PCDH9: variants seen among roughly 807,000 people sequenced by gnomAD.
The protein encoded by PCDH9 is protocadherin-9.
Under a neutral mutation model 70.6 loss-of-function variants are expected in PCDH9, and 24 were observed. That is an observed-to-expected ratio of 0.34 (90% CI 0.25 to 0.48). The LOEUF (loss-of-function observed/expected upper bound fraction) is 0.48, where lower values mean the gene tolerates loss of function less well. Among genes scored for constraint, PCDH9 ranks in the 20% least tolerant of loss-of-function variants. The pLI, the probability that PCDH9 is intolerant of heterozygous loss-of-function variation, is 0.99. For missense variants in PCDH9, 1,281 were observed against 1,503.6 expected, an observed-to-expected ratio of 0.85 and a Z score of 2.45; for synonymous variants, 562 against 558.5, an observed-to-expected ratio of 1.01 and a Z score of -0.09.
intron 3 of PCDH9, chr13:66,880,191 A>C (rs1381538526): frequency 6.6e-6 from 1 of 152,202 alleles, no homozygotes; most frequent in African/African-American, 2.4e-5. Flanking sequence ...ATAATGATAA[A>C]ACACTGCTTG....
At chr13:67,180,860 T>C (rs2088596455) in intron 2 of PCDH9, among the ~76,000 whole-genome samples, 1 of 152,206 alleles carries the variant, frequency 6.6e-6, no homozygotes, top group Non-Finnish European at 1.5e-5. Context: ...ATAAGCAGAT[T>C]ATGATGCTGG....
At chr13:66,472,399 A>G (rs961867289) in intron 4 of PCDH9, among the ~76,000 whole-genome samples, 21 of 151,796 alleles carry the variant, frequency 1.4e-4, no homozygotes, top group Non-Finnish European at 2.8e-4. Flanking sequence ...GCAAAACCTC[A>G]TCTCTACAAA....
chr13:66,354,152 T>A (rs1251634037), intron 4 of PCDH9, among the ~76,000 whole-genome samples: 1 of 152,148 alleles, frequency 6.6e-6, no homozygotes, highest in East Asian at 1.9e-4. Flanking sequence ...TTTCTCTCTC[T>A]TTTTTTAACT....
chr13:66,724,219 T>C (rs2078976983), intron 3 of PCDH9, among the ~76,000 whole-genome samples: 1 of 152,238 alleles, frequency 6.6e-6, no homozygotes, highest in Admixed American at 6.5e-5. Flanking sequence ...TTGATTGTTG[T>C]TCACTTCAGG....
At chr13:66,529,877 G>T (rs1274920928) in intron 4 of PCDH9, among the ~76,000 whole-genome samples, 2 of 130,020 alleles carry the variant, frequency 1.5e-5, no homozygotes, top group East Asian at 4.8e-4. Context: ...TCACCATGCT[G>T]TTAAAAAAAA....
chr13:66,459,780 C>T (rs1958388593), intron 4 of PCDH9, among the ~76,000 whole-genome samples: 1 of 151,940 alleles, frequency 6.6e-6, no homozygotes, highest in African/African-American at 2.4e-5. Context: ...ATATCTGCAT[C>T]TCATATCAGA....
At chr13:66,825,077 A>T (rs2139391194) in intron 3 of PCDH9, 1 of 152,058 alleles carries the variant, frequency 6.6e-6, no homozygotes. Context: ...TTAAAATTTT[A>T]ATTTAAATTA....
chr13:67,115,398 C>A (rs2086740083), intron 2 of PCDH9, among the ~76,000 whole-genome samples: 1 of 152,148 alleles, frequency 6.6e-6, no homozygotes, highest in Non-Finnish European at 1.5e-5. Context: ...GAAGACAATG[C>A]ATGTTCTGTG....
At chr13:66,823,314 A>C (rs1166135378) in intron 3 of PCDH9, among the ~76,000 whole-genome samples, 2 of 151,964 alleles carry the variant, frequency 1.3e-5, no homozygotes, top group African/African-American at 4.8e-5. Flanking sequence ...TTTTCATATA[A>C]TGTATCTAAT....
At chr13:66,334,968 T>G (rs1405295380) in intron 4 of PCDH9, among the ~76,000 whole-genome samples, 2 of 152,114 alleles carry the variant, frequency 1.3e-5, no homozygotes, top group Non-Finnish European at 2.9e-5. Context: ...GGTATTTCTA[T>G]ACCTATCTAT....
intron 3 of PCDH9, among the ~76,000 whole-genome samples, chr13:66,725,531 A>G (rs748466701): frequency 7.2e-5 from 11 of 152,188 alleles, no homozygotes. Context: ...CCCAGCGACT[A>G]TTGTTTAGAC....
chr13:67,174,976 A>C (rs1275600302), intron 2 of PCDH9, among the ~76,000 whole-genome samples: 1 of 151,372 alleles, frequency 6.6e-6, no homozygotes, highest in East Asian at 1.9e-4. Context: ...AAAAAAAAAA[A>C]AAAAAAAAAA....
Position 66,685,699 on chromosome 13 carries a change from T to G in PCDH9, c.3139-54288A>C, listed in dbSNP as rs529443493. Among the ~76,000 whole-genome samples, 13 of 152,302 alleles carry G rather than the reference T, an allele frequency of 8.5e-5. No individual in the cohort carries two copies. The South Asian group carries it at 1.0e-3, about 12-fold the overall frequency. On this transcript the variant is annotated intron_variant, in intron 3 of 4. Coordinates refer to ENST00000377865, the MANE Select transcript of PCDH9 (RefSeq NM_203487.3). Reference sequence around the variant, plus strand: ...AGGAGGGCTATACCCTACAAAATCATGTGGGTGGAGCTGCCCAAGGCCATG... The same window carrying G: ...AGGAGGGCTATACCCTACAAAATCAGGTGGGTGGAGCTGCCCAAGGCCATG...
intron 3 of PCDH9, among the ~76,000 whole-genome samples, chr13:66,865,311 T>C (rs573034288): frequency 5.9e-5 from 9 of 152,242 alleles, no homozygotes; most frequent in Non-Finnish European, 8.8e-5. Flanking sequence ...AGAATACTAA[T>C]AATGTACCAA....
intron 4 of PCDH9, among the ~76,000 whole-genome samples, chr13:66,494,619 G>A (rs1379397361): frequency 6.6e-6 from 1 of 151,868 alleles, no homozygotes; most frequent in African/African-American, 2.4e-5. Context: ...CCAACAATTA[G>A]ACCAGAAACC....
chr13:66,734,538 T>C (rs931292687), intron 3 of PCDH9, among the ~76,000 whole-genome samples: 27 of 152,190 alleles, frequency 1.8e-4, no homozygotes, highest in African/African-American at 6.3e-4. Context: ...AACGACTGTG[T>C]CCTCAGATTT....
chr13:66,615,476 T>C (rs1421062827), intron 4 of PCDH9, among the ~76,000 whole-genome samples: 1 of 152,196 alleles, frequency 6.6e-6, no homozygotes, highest in Non-Finnish European at 1.5e-5. Flanking sequence ...TGTTTCTAAC[T>C]ATAACTACCC....
chr13:66,672,895 C>T (rs922519376), intron 3 of PCDH9, among the ~76,000 whole-genome samples: 39 of 152,110 alleles, frequency 2.6e-4, no homozygotes, highest in Non-Finnish European at 4.7e-4. Flanking sequence ...CCCATTGTAT[C>T]TAGGAAGTAT....
At chr13:66,914,042 A>G (rs1566289024) in intron 2 of PCDH9, among the ~76,000 whole-genome samples, 1 of 151,964 alleles carries the variant, frequency 6.6e-6, no homozygotes, top group Non-Finnish European at 1.5e-5. Flanking sequence ...AAAGAAACTA[A>G]TTACAGTGAT....
Sources: allele counts gnomAD v4.1 joint callset (sites outside exome capture counted in the v4.1 genomes callset), GRCh38; gene constraint gnomAD v4.1.1; transcripts MANE v1.5; gene names NCBI Gene and HGNC (gene_info 2026-07-23, HGNC 2026-07-21).